The following MARCHF4 variants were observed in gnomAD, a reference collection of about 807,000 sequenced individuals.
MARCHF4 encodes membrane associated ring-CH-type finger 4, also known as E3 ubiquitin-protein ligase MARCHF4.
Under a neutral mutation model 43.9 loss-of-function variants are expected in MARCHF4, and 14 were observed. The ratio of observed to expected loss-of-function variants is 0.32; its 90% CI spans 0.21 to 0.50. MARCHF4 has a LOEUF of 0.50. Among genes scored for constraint, MARCHF4 ranks in the 20% least tolerant of loss-of-function variants. The probability of loss-of-function intolerance (pLI) is 0.98; values close to 1 mark genes in which losing one functional copy is unlikely to be tolerated. For missense variants in MARCHF4, 468 were observed against 536.7 expected (o/e 0.87, Z 1.27); for synonymous variants, 226 against 213.3 (o/e 1.06, Z -0.52).
rs1328283836 is a variant in MARCHF4, at chr2:216,323,116, G to A, written c.517-39387C>T. Among the ~76,000 whole-genome samples the A allele has an allele frequency of 3.9e-5, 6 of 152,278 alleles. No individual in the cohort carries two copies. In the East Asian group the frequency reaches 1.2e-3, roughly 29 times the overall value. On this transcript the variant is annotated intron_variant, in intron 1 of 3. Coordinates refer to ENST00000273067, the MANE Select transcript of MARCHF4 (RefSeq NM_020814.3). ...GTACCTAATATTGAATAAGCAAAGT[G>A]TGTTCCTCATTAGATGTTCAAACTG... is the stretch of plus-strand genomic sequence containing the variant.
At chr2:216,340,053 G>A (rs544492509) in intron 1 of MARCHF4, among the ~76,000 whole-genome samples, 15 of 151,974 alleles carry the variant, frequency 9.9e-5, no homozygotes, top group Admixed American at 7.2e-4. Flanking sequence ...GCCGTTATCC[G>A]CCTCTCCCTT....
At chr2:216,285,242 G>T (rs1281266971) in intron 1 of MARCHF4, among the ~76,000 whole-genome samples, 1 of 152,204 alleles carries the variant, frequency 6.6e-6, no homozygotes, top group African/African-American at 2.4e-5. Context: ...CATCCATTTT[G>T]TTAACTCTGG....
chr2:216,369,577 A>C (rs1692719707), intron 1 of MARCHF4, among the ~76,000 whole-genome samples, 168 bp downstream of exon 1: 1 of 152,226 alleles, frequency 6.6e-6, no homozygotes, highest in African/African-American at 2.4e-5. Flanking sequence ...ACCAGGAACC[A>C]GACACTCATT....
intron 1 of MARCHF4, among the ~76,000 whole-genome samples, chr2:216,323,117 T>C (rs1691931203): frequency 6.6e-6 from 1 of 152,178 alleles, no homozygotes; most frequent in African/African-American, 2.4e-5. Context: ...AAGCAAAGTG[T>C]GTTCCTCATT....
At chr2:216,365,964 T>C (rs1235335577) in intron 1 of MARCHF4, among the ~76,000 whole-genome samples, 1 of 152,208 alleles carries the variant, frequency 6.6e-6, no homozygotes, top group Non-Finnish European at 1.5e-5. Context: ...GCTCTGTGCC[T>C]AGAGCATTAT....
At chr2:216,346,717 T>C (rs1179416884) in intron 1 of MARCHF4, among the ~76,000 whole-genome samples, 2 of 152,184 alleles carry the variant, frequency 1.3e-5, no homozygotes, top group Admixed American at 6.5e-5. Flanking sequence ...AGAGCATGGC[T>C]CCTTTGAACC....
In MARCHF4 at chr2:216,312,612, T is replaced by A. The variant is rs547999330; in HGVS notation, c.517-28883A>T. Among the ~76,000 whole-genome samples, 8 of 152,308 alleles carry A rather than the reference T, an allele frequency of 5.3e-5. 1 individual carries two copies. Among genetic ancestry groups the A allele is most frequent in the African/African-American group, 1.9e-4 (8 of 41,568 alleles). ...AGTATAATATGATATCTCATTGTGGTTTTAATTTGCATTCCTCTGATGGTT... is the reference window on the plus strand; with the variant it reads ...AGTATAATATGATATCTCATTGTGGATTTAATTTGCATTCCTCTGATGGTT... On this transcript the variant is annotated intron_variant, in intron 1 of 3. Coordinates refer to ENST00000273067, the MANE Select transcript of MARCHF4 (RefSeq NM_020814.3).
intron 1 of MARCHF4, among the ~76,000 whole-genome samples, chr2:216,358,973 C>T (rs981885660): frequency 6.6e-6 from 1 of 152,214 alleles, no homozygotes; most frequent in Non-Finnish European, 1.5e-5. Flanking sequence ...AAGCAAGCCC[C>T]AGATTTGGCT....
intron 1 of MARCHF4, among the ~76,000 whole-genome samples, chr2:216,322,452 A>G (rs1244642374): frequency 1.3e-5 from 2 of 152,226 alleles, no homozygotes; most frequent in African/African-American, 2.4e-5. Context: ...CTGAAATTAC[A>G]GTATTATTTT....
intron 1 of MARCHF4, among the ~76,000 whole-genome samples, chr2:216,292,113 T>C (rs1242453952): frequency 6.6e-6 from 1 of 152,270 alleles, no homozygotes; most frequent in East Asian, 1.9e-4. Context: ...TCTAAACCAG[T>C]TCCTGGTTGG....
At chr2:216,367,291 C>T (rs1018971505) in intron 1 of MARCHF4, among the ~76,000 whole-genome samples, 8 of 148,576 alleles carry the variant, frequency 5.4e-5, no homozygotes, top group Admixed American at 4.6e-4. Flanking sequence ...TTTAGCGTGT[C>T]TCTCTCTCTT....
At chr2:216,318,003 TTCC>T (rs1691809986) in intron 1 of MARCHF4, 3 of 152,236 alleles carry the variant, frequency 2.0e-5, no homozygotes, top group Admixed American at 2.0e-4. Context: ...CAACCAGCGC[TTCC>T]GAGGCTGATC....
intron 1 of MARCHF4, among the ~76,000 whole-genome samples, chr2:216,354,660 G>A (rs1692453981): frequency 6.6e-6 from 1 of 152,180 alleles, no homozygotes; most frequent in Non-Finnish European, 1.5e-5. Flanking sequence ...AACCAGAAAG[G>A]AAATGGACGA....
intron 1 of MARCHF4, among the ~76,000 whole-genome samples, chr2:216,331,073 C>T (rs557281138): frequency 1.6e-4 from 25 of 152,086 alleles, no homozygotes; most frequent in South Asian, 4.2e-4. Flanking sequence ...AAGTCAACAA[C>T]GCCAAATTTT....
intron 2 of MARCHF4, among the ~76,000 whole-genome samples, chr2:216,278,239 T>A (rs1574461643): frequency 1.3e-5 from 2 of 152,154 alleles, no homozygotes; most frequent in East Asian, 3.9e-4. Context: ...TATTTATTTA[T>A]TTTGAGATGG....
At chr2:216,334,332 T>G (rs111449260) in intron 1 of MARCHF4, among the ~76,000 whole-genome samples, 4 of 152,172 alleles carry the variant, frequency 2.6e-5, no homozygotes, top group Non-Finnish European at 4.4e-5. Context: ...TCACAGGGAA[T>G]TGAGTTCTGC....
intron 1 of MARCHF4, among the ~76,000 whole-genome samples, chr2:216,329,292 A>C (rs999280608): frequency 1.3e-5 from 2 of 152,038 alleles, no homozygotes; most frequent in Non-Finnish European, 2.9e-5. Context: ...GAGGCAGGAG[A>C]ATGGCGTGAA....
chr2:216,364,310 G>A (rs551228740), intron 1 of MARCHF4, among the ~76,000 whole-genome samples: 2 of 151,874 alleles, frequency 1.3e-5, no homozygotes, highest in African/African-American at 2.4e-5. Context: ...AGCATGAAGC[G>A]GGTGCCAGGT....
At chr2:216,363,774 G>A (rs1277337168) in intron 1 of MARCHF4, among the ~76,000 whole-genome samples, 2 of 152,148 alleles carry the variant, frequency 1.3e-5, no homozygotes, top group Non-Finnish European at 2.9e-5. Context: ...AATGTGGCTG[G>A]CAACACCTTA....
Sources: allele counts gnomAD v4.1 joint callset (sites outside exome capture counted in the v4.1 genomes callset), GRCh38; gene constraint gnomAD v4.1.1; transcripts MANE v1.5; gene names NCBI Gene and HGNC (gene_info 2026-07-23, HGNC 2026-07-21).